The following PCDHA7 variants were observed in gnomAD, a reference collection of about 807,000 sequenced individuals.
The protein encoded by PCDHA7 is protocadherin alpha-7.
PCDHA7 carries 37 observed loss-of-function variants against 57.2 expected under a neutral mutation model. The observed-to-expected ratio is 0.65, with a 90% confidence interval of 0.50 to 0.85. The LOEUF is 0.85. Ranked by LOEUF, PCDHA7 falls within the 40% of genes least tolerant of loss-of-function variation. The pLI is 0.00. For synonymous variants in PCDHA7, 553 were observed against 558.8 expected (o/e 0.99, Z 0.15); for missense variants, 1,188 against 1,241.8 (o/e 0.96, Z 0.65).
In PCDHA7 at chr5:140,967,305, A is replaced by G. The variant is rs782005994; in HGVS notation, c.2356-11644A>G. On this transcript the variant is annotated intron_variant, in intron 1 of 3. Transcript: ENST00000525929. ...GCGCAGGACCCCGACGTGGGCGCCA[A>G]CTCAGTACAGACCTACGAGCTCAGC... The G allele has an allele frequency of 5.7e-5, 92 of 1,612,346 alleles. 1 individual carries two copies. The South Asian group carries it at 9.7e-4, about 17-fold the overall frequency.
chr5:140,851,317 G>C, intron 1 of PCDHA7: 1 of 992,602 alleles, frequency 1.0e-6, no homozygotes, highest in Non-Finnish European at 1.2e-6. Flanking sequence ...TTGTTACCTT[G>C]TTAAGTTTGT....
Position 140,967,394 on chromosome 5 carries a change from G to C in PCDHA7, c.2356-11555G>C, listed in dbSNP as rs1379450273. On this transcript the variant is annotated intron_variant, in intron 1 of 3. Coordinates refer to ENST00000525929, the MANE Select transcript of PCDHA7 (RefSeq NM_018910.3). ...GGAGAACAGTAAAGTGCTTGAGCTGGTGCTGCGTAAGGGCCTAGACCGGGA... is the reference window on the plus strand; with the variant it reads ...GGAGAACAGTAAAGTGCTTGAGCTGCTGCTGCGTAAGGGCCTAGACCGGGA... 4 of 1,609,940 alleles carry C rather than the reference G, an allele frequency of 2.5e-6. No homozygotes were observed. In the African/African-American group the frequency reaches 4.0e-5, roughly 16 times the overall value.
chr5:140,836,890 G>A (rs1554136343), intron 1 of PCDHA7, 152 bp downstream of exon 1: 1 of 634,180 alleles, frequency 1.6e-6, no homozygotes, highest in East Asian at 2.9e-5. Flanking sequence ...TAATTATTTG[G>A]AAGTACGTTT....
At chr5:140,856,183 C>T (rs1337355592) in intron 1 of PCDHA7, 8 of 1,598,070 alleles carry the variant, frequency 5.0e-6, no homozygotes, top group African/African-American at 2.7e-5. Flanking sequence ...CCTTCGTGGG[C>T]CGCATCGCGC....
intron 1 of PCDHA7, among the ~76,000 whole-genome samples, chr5:140,900,088 G>C (rs545975836): frequency 6.6e-6 from 1 of 152,240 alleles, no homozygotes; most frequent in African/African-American, 2.4e-5. Context: ...GCAGTTACAA[G>C]CATGCGCCAC....
intron 1 of PCDHA7, among the ~76,000 whole-genome samples, chr5:140,961,895 T>A (rs1453853880): frequency 6.6e-6 from 1 of 152,012 alleles, no homozygotes; most frequent in Non-Finnish European, 1.5e-5. Flanking sequence ...CAGTTTTTTT[T>A]TTTTTTGAGA....
chr5:140,861,729 C>T (rs947423551), intron 1 of PCDHA7: 5 of 192,220 alleles, frequency 2.6e-5, no homozygotes, highest in Non-Finnish European at 5.3e-5. Context: ...GCTCTGATGA[C>T]TTACATACTG....
In PCDHA7 at chr5:140,877,669, G is replaced by A. The variant is rs548426920; in HGVS notation, c.2355+40931G>A. The A allele has an allele frequency of 1.4e-4, 219 of 1,613,638 alleles. 3 individuals are homozygous for A. The South Asian group carries it at 2.2e-3, about 17-fold the overall frequency. On this transcript the variant is annotated intron_variant, in intron 1 of 3. Coordinates refer to ENST00000525929, the MANE Select transcript of PCDHA7 (RefSeq NM_018910.3). ...AGCGCCGCCCACCGTGAGCCGGTGC[G>A]CGCCGGGCAAGCCCACGCTGGTGTG...
intron 3 of PCDHA7, among the ~76,000 whole-genome samples, chr5:141,004,743 T>G (rs1554259718): frequency 6.6e-6 from 1 of 152,182 alleles, no homozygotes; most frequent in Admixed American, 6.5e-5. Flanking sequence ...CTCTTTTGTC[T>G]CAGTCTCTTA....
intron 1 of PCDHA7, among the ~76,000 whole-genome samples, chr5:140,895,352 G>A (rs1322887367): frequency 7.9e-5 from 12 of 151,916 alleles, no homozygotes; most frequent in African/African-American, 2.9e-4. Flanking sequence ...GCTTTCCAGT[G>A]AGTACTTATT....
intron 3 of PCDHA7, among the ~76,000 whole-genome samples, chr5:141,003,070 G>A (rs1588007737): frequency 6.6e-6 from 1 of 152,232 alleles, no homozygotes; most frequent in South Asian, 2.1e-4. Flanking sequence ...AAATGCAGAT[G>A]AGGGTGAGTT....
chr5:140,857,254 TTAC>T, intron 1 of PCDHA7: 1 of 1,598,512 alleles, frequency 6.3e-7, no homozygotes, highest in Non-Finnish European at 8.6e-7. Flanking sequence ...CCTACAAGAA[TTAC>T]TACTCATTGG....
At chr5:140,962,747 G>A (rs1385433172) in intron 1 of PCDHA7, among the ~76,000 whole-genome samples, 1 of 152,142 alleles carries the variant, frequency 6.6e-6, no homozygotes, top group Non-Finnish European at 1.5e-5. Flanking sequence ...ATGAAGATCA[G>A]GAATCCTATT....
In PCDHA7 at chr5:140,850,260, G is replaced by T. The variant is rs2150476183; in HGVS notation, c.2355+13522G>T. On this transcript the variant is annotated intron_variant, in intron 1 of 3. Transcript: ENST00000525929. Reference sequence around the variant, plus strand: ...GGTGCTGCGGTCGGTGGGCGCCGGCGTAGTGGTGGGGAAGGTGCGCGCAGT... The same window carrying T: ...GGTGCTGCGGTCGGTGGGCGCCGGCTTAGTGGTGGGGAAGGTGCGCGCAGT... 1.2e-4 allele frequency: 186 copies of T among 1,594,256 alleles called. 15 individuals carry two copies. The highest frequency in any genetic ancestry group is 2.2e-4 in the Middle Eastern group (1 of 4,474).
chr5:140,874,403 T>A (rs1013177734), intron 1 of PCDHA7, among the ~76,000 whole-genome samples: 2 of 152,198 alleles, frequency 1.3e-5, no homozygotes, highest in African/African-American at 4.8e-5. Context: ...TGCATAACAG[T>A]CACCATTCTG....
chr5:140,921,051 C>T (rs2079992855), intron 1 of PCDHA7, among the ~76,000 whole-genome samples: 1 of 151,910 alleles, frequency 6.6e-6, no homozygotes, highest in Non-Finnish European at 1.5e-5. Context: ...GCAATCATAG[C>T]TCACTCTAAC....
chr5:140,858,176 G>A, intron 1 of PCDHA7: 1 of 1,597,746 alleles, frequency 6.3e-7, no homozygotes, highest in Non-Finnish European at 8.6e-7. Flanking sequence ...CAGCTTGCTG[G>A]TGCTCACGCT....
At chr5:140,970,243 T>C (rs1554232347) in intron 1 of PCDHA7, among the ~76,000 whole-genome samples, 1 of 152,252 alleles carries the variant, frequency 6.6e-6, no homozygotes, top group Non-Finnish European at 1.5e-5. Flanking sequence ...TGATTTTCTG[T>C]TGACAGTTTC....
intron 1 of PCDHA7, 123 bp downstream of exon 1, chr5:140,836,861 T>A (rs1774783452): frequency 2.6e-6 from 2 of 770,272 alleles, no homozygotes; most frequent in South Asian, 4.4e-5. Context: ...TATTTTTTAA[T>A]GTTATGCTGT....
Sources: gnomAD v4.1 joint callset for allele counts (sites outside exome capture counted in the v4.1 genomes callset) on GRCh38, gnomAD v4.1.1 for gene constraint, MANE v1.5 for transcripts, NCBI Gene and HGNC (gene_info 2026-07-23, HGNC 2026-07-21) for gene names.